The following AGAP1 variants were observed in gnomAD, a reference collection of about 807,000 sequenced individuals.
The protein encoded by AGAP1 is arf-GAP with GTPase, ANK repeat and PH domain-containing protein 1.
Under a neutral mutation model 105.3 loss-of-function variants are expected in AGAP1, and 29 were observed. The observed-to-expected ratio is 0.28, with a 90% CI of 0.21 to 0.38. The LOEUF (loss-of-function observed/expected upper bound fraction) is 0.38. Ranked by LOEUF, AGAP1 falls within the 10% of genes least tolerant of loss-of-function variation. The probability of loss-of-function intolerance (pLI) is 1.00; values close to 1 mark genes in which losing one functional copy is unlikely to be tolerated. For synonymous variants in AGAP1, 509 were observed against 485.9 expected, an observed-to-expected ratio of 1.05 and a Z score of -0.63; for missense variants, 998 against 1,165.1, an observed-to-expected ratio of 0.86 and a Z score of 2.09.
At position 235,843,979 on chromosome 2, in the gene AGAP1, CCCAGCT is replaced by C. The variant is rs1222040658; in HGVS notation, c.1050+36650_1050+36655del. Among the ~76,000 whole-genome samples, 6 of 152,200 alleles carry C rather than the reference CCCAGCT, an allele frequency of 3.9e-5. No individual in the cohort carries two copies. The highest frequency in any genetic ancestry group is 1.4e-4 in the African/African-American group (6 of 41,452). On this transcript the variant is annotated intron_variant, in intron 9 of 17. Coordinates refer to ENST00000304032, the MANE Select transcript of AGAP1 (RefSeq NM_001037131.3). This position sits in a 1 kb window ranked among gnomAD's most constrained non-coding sequence, Gnocchi z 5.9. ...TGTCACTCAGGACCTTGCCCGCTGC[CCCAGCT>C]CAGAGCTTGAACCTCTCCCTCTTGG...
In AGAP1 at chr2:235,734,958, A is replaced by G. The variant is rs919762550; in HGVS notation, c.311-6005A>G. 4.0e-5 allele frequency among the ~76,000 whole-genome samples: 5 copies of G among 125,358 alleles called. No homozygotes were observed. Among genetic ancestry groups the G allele is most frequent in the Non-Finnish European group, 7.8e-5 (4 of 51,012 alleles). 82.2% of individuals were successfully genotyped at this position (125,358 alleles called of 152,430 possible). ...GGGTGTTGCCAGTGATGTTTGCGTCATAAGATGGGGTGAGGGCTAACGGAG... is the reference window on the plus strand; with the variant it reads ...GGGTGTTGCCAGTGATGTTTGCGTCGTAAGATGGGGTGAGGGCTAACGGAG... On this transcript the variant is annotated intron_variant, in intron 3 of 17. Coordinates refer to ENST00000304032, the MANE Select transcript of AGAP1 (RefSeq NM_001037131.3). This position sits in a 1 kb window ranked among gnomAD's most constrained non-coding sequence, Gnocchi z 5.3.
intron 1 of AGAP1, among the ~76,000 whole-genome samples, chr2:235,656,648 A>G (rs1031640750): frequency 6.6e-6 from 1 of 152,164 alleles, no homozygotes; most frequent in Non-Finnish European, 1.5e-5. Flanking sequence ...CAACAGGGGA[A>G]CGACACAGCA....
At position 235,494,722 on chromosome 2, in the gene AGAP1, C is replaced by T. The variant is rs762472578; in HGVS notation, c.36C>T (p.Ala12=). 75 of 1,560,334 alleles carry T rather than the reference C, an allele frequency of 4.8e-5. No individual in the cohort carries two copies. In the Admixed American group the frequency reaches 1.1e-3, roughly 24 times the overall value. ...NYQQQLANSA[A]IRAEIQRFES... is the part of the protein sequence containing the mutation. ...AGCAGCAGCTGGCCAACTCGGCTGC[C>T]ATCCGGGCCGAGATCCAGCGCTTCG... is the stretch of plus-strand genomic sequence containing the variant. The change falls in exon 1 of 18, where the codon GCC becomes GCT. Residue 12 remains alanine (A), a synonymous_variant. Transcript: ENST00000304032.
rs1005628031 is a variant in AGAP1, at chr2:235,931,832, C to T, written c.1483+909C>T. 1.3e-5 allele frequency among the ~76,000 whole-genome samples: 2 copies of T among 151,932 alleles called. No individual in the cohort carries two copies. Among genetic ancestry groups the T allele is most frequent in the African/African-American group, 4.8e-5 (2 of 41,358 alleles). ...AAAGGAAGACATCTCCAAACCAAGC[C>T]GGGAGACGCGGAGTCAGCGAGGTAG... is the stretch of plus-strand genomic sequence containing the variant. On this transcript the variant is annotated intron_variant, in intron 12 of 17. Coordinates refer to ENST00000304032, the MANE Select transcript of AGAP1 (RefSeq NM_001037131.3). The surrounding 1 kb of genome is among the most constrained non-coding windows in gnomAD (Gnocchi z 5.6).
chr2:236,075,375 C>A (rs948314861), intron 16 of AGAP1, among the ~76,000 whole-genome samples: 1 of 152,092 alleles, frequency 6.6e-6, no homozygotes, highest in African/African-American at 2.4e-5. Context: ...ATCCCCACCC[C>A]CAAGGGCTCC....
intron 11 of AGAP1, among the ~76,000 whole-genome samples, chr2:235,929,007 T>C (rs1465690050): frequency 6.6e-6 from 1 of 152,148 alleles, no homozygotes; most frequent in East Asian, 1.9e-4. Flanking sequence ...TCTAGGGCGT[T>C]AGGGCACGCC....
At chr2:235,682,029 T>C (rs1438405448) in intron 1 of AGAP1, among the ~76,000 whole-genome samples, 1 of 151,848 alleles carries the variant, frequency 6.6e-6, no homozygotes, top group Non-Finnish European at 1.5e-5. Context: ...TTTTTTGTAT[T>C]TTTAGTAGAG....
intron 8 of AGAP1, among the ~76,000 whole-genome samples, chr2:235,804,945 A>G (rs1957764470): frequency 6.6e-6 from 1 of 152,186 alleles, no homozygotes. Context: ...ATGTGCCATT[A>G]GTGATGAGGT....
rs945385385 is a variant in AGAP1 at position 235,582,588 on chromosome 2, A to G, written c.163+87739A>G. On this transcript the variant is annotated intron_variant, in intron 1 of 17. Coordinates refer to ENST00000304032, the MANE Select transcript of AGAP1 (RefSeq NM_001037131.3). The surrounding 1 kb of genome is among the most constrained non-coding windows in gnomAD (Gnocchi z 4.7). ...CCACATTTTGAGCTTCTCAGATATAAAAGAAGGATTCTTTGGGGGAGGACC... is the reference window on the plus strand; with the variant it reads ...CCACATTTTGAGCTTCTCAGATATAGAAGAAGGATTCTTTGGGGGAGGACC... Among the ~76,000 whole-genome samples the G allele has an allele frequency of 6.6e-6, 1 of 152,208 alleles. No individual in the cohort carries two copies. Among genetic ancestry groups the G allele is most frequent in the African/African-American group, 2.4e-5 (1 of 41,442 alleles).
chr2:235,585,766 T>C (rs924597935), intron 1 of AGAP1, among the ~76,000 whole-genome samples: 1 of 152,146 alleles, frequency 6.6e-6, no homozygotes, highest in Admixed American at 6.5e-5. Flanking sequence ...TTCAAACCAA[T>C]CACACGCCAA....
Position 235,845,497 on chromosome 2 carries a change from C to A in AGAP1, c.1051-37848C>A, listed in dbSNP as rs897938771. On this transcript the variant is annotated intron_variant, in intron 9 of 17. Transcript: ENST00000304032. This position sits in a 1 kb window ranked among gnomAD's most constrained non-coding sequence, Gnocchi z 4.8. ...GCGAACCCTGGGCTTCCTGAGGACA[C>A]CCCATTCTTAGCTGTGGGGTCACCA... is the stretch of plus-strand genomic sequence containing the variant. Among the ~76,000 whole-genome samples the A allele has an allele frequency of 3.3e-5, 5 of 152,140 alleles. No homozygotes were observed. Among genetic ancestry groups the A allele is most frequent in the African/African-American group, 1.2e-4 (5 of 41,432 alleles).
chr2:236,086,741 G>A (rs953218329), intron 16 of AGAP1, among the ~76,000 whole-genome samples: 1 of 152,114 alleles, frequency 6.6e-6, no homozygotes, highest in Admixed American at 6.6e-5. Context: ...GAAAGGGAAC[G>A]AAGTCATGGA....
chr2:236,060,120 C>T (rs1214415704), intron 16 of AGAP1, among the ~76,000 whole-genome samples: 1 of 152,042 alleles, frequency 6.6e-6, no homozygotes. Flanking sequence ...AAATTAATTC[C>T]AGATTGATCA....
In AGAP1 at chr2:235,660,757, GT is replaced by G. The variant is rs1947921895; in HGVS notation, c.164-48418del. ...GATGCAATAGAAACAACCTCTGTTG[GT>G]TTTCAGCATTGGAGCAGATGCTCCC... is the stretch of plus-strand genomic sequence containing the variant. On this transcript the variant is annotated intron_variant, in intron 1 of 17. Transcript: ENST00000304032. This position sits in a 1 kb window ranked among gnomAD's most constrained non-coding sequence, Gnocchi z 5.3. Among the ~76,000 whole-genome samples the G allele has an allele frequency of 6.6e-6, 1 of 152,194 alleles. No homozygotes were observed. Among genetic ancestry groups the G allele is most frequent in the Non-Finnish European group, 1.5e-5 (1 of 68,046 alleles).
At chr2:236,111,789 CAAA>C (rs3030776) in intron 16 of AGAP1, among the ~76,000 whole-genome samples, 13,713 of 120,224 alleles carry the variant, frequency 0.11, 2,079 homozygotes, top group African/African-American at 0.35. Context: ...GACTCTATCT[CAAA>C]AAAAAAAAAA....
rs1947915132 is a variant in AGAP1 at position 235,660,578 on chromosome 2, A to C, written c.164-48601A>C. 6.6e-6 allele frequency among the ~76,000 whole-genome samples: 1 copy of C among 152,080 alleles called. No individual in the cohort carries two copies. Among genetic ancestry groups the C allele is most frequent in the South Asian group, 2.1e-4 (1 of 4,832 alleles). On this transcript the variant is annotated intron_variant, in intron 1 of 17. Coordinates refer to ENST00000304032, the MANE Select transcript of AGAP1 (RefSeq NM_001037131.3). This position sits in a 1 kb window ranked among gnomAD's most constrained non-coding sequence, Gnocchi z 5.3. ...GGGAGAAGAAGGGGTCAGGGCCAGC[A>C]GGGAAAGAGCTTGGGGACTCCTGAG...
At chr2:235,704,233 C>T (rs1305777189) in intron 1 of AGAP1, among the ~76,000 whole-genome samples, 3 of 152,244 alleles carry the variant, frequency 2.0e-5, no homozygotes, top group African/African-American at 7.2e-5. Context: ...GCTGTTTTCA[C>T]ATTTCTCAGA....
rs2051219170 is a variant in AGAP1, at chr2:235,904,697, A to C, written c.1156-4041A>C. On this transcript the variant is annotated intron_variant, in intron 10 of 17. Transcript: ENST00000304032. This position sits in a 1 kb window ranked among gnomAD's most constrained non-coding sequence, Gnocchi z 4.2. Reference sequence around the variant, plus strand: ...GGGTCTGCACAGCCCCTTGACTTCTACGGAGGACATTGTTTAGTGGTTGTA... The same window carrying C: ...GGGTCTGCACAGCCCCTTGACTTCTCCGGAGGACATTGTTTAGTGGTTGTA... Among the ~76,000 whole-genome samples, 1 of 152,104 alleles carries C rather than the reference A, an allele frequency of 6.6e-6. No homozygotes were observed. The highest frequency in any genetic ancestry group is 2.1e-4 in the South Asian group (1 of 4,836).
At chr2:235,903,507 A>G (rs2051158513) in intron 10 of AGAP1, among the ~76,000 whole-genome samples, 1 of 152,196 alleles carries the variant, frequency 6.6e-6, no homozygotes, top group African/African-American at 2.4e-5. Context: ...CAGACAGCCA[A>G]AGGTAACCTC....
Sources: allele counts gnomAD v4.1 joint callset (sites outside exome capture counted in the v4.1 genomes callset), GRCh38; gene constraint gnomAD v4.1.1; non-coding constraint Gnocchi (gnomAD v3.1); transcripts MANE v1.5; gene names NCBI Gene and HGNC (gene_info 2026-07-23, HGNC 2026-07-21).